Variants in NEBL observed in about 807,000 individuals in gnomAD.
NEBL encodes nebulette.
Under a neutral mutation model 140.2 loss-of-function variants are expected in NEBL, and 122 were observed. That is an observed-to-expected ratio of 0.87 (90% CI 0.75 to 1.01). The LOEUF is 1.01. NEBL is among the 50% of genes least tolerant of loss of function. The probability of loss-of-function intolerance (pLI) is 0.00; values close to 1 mark genes in which losing one functional copy is unlikely to be tolerated. For synonymous variants in NEBL, 436 were observed against 398.9 expected (o/e 1.09, Z -1.11); for missense variants, 1,365 against 1,231.3 (o/e 1.11, Z -1.62).
chr10:20,841,709 T>C (rs1384035909), intron 12 of NEBL: 2 of 152,092 alleles, frequency 1.3e-5, no homozygotes, highest in Admixed American at 1.3e-4. Context: ...AAAAAGGAGA[T>C]GCAATCACTC....
chr10:21,191,512 T>C (rs1010128415), intron 3 of NEBL, among the ~76,000 whole-genome samples: 1 of 152,154 alleles, frequency 6.6e-6, no homozygotes, highest in Non-Finnish European at 1.5e-5. Context: ...AGAGTCAAAA[T>C]TTTTCCTATC....
intron 14 of NEBL, 80 bp downstream of exon 14, chr10:20,835,433 A>T: frequency 9.8e-7 from 1 of 1,025,340 alleles, no homozygotes; most frequent in Non-Finnish European, 1.5e-6. Context: ...GAGAAATTCC[A>T]TATAGTAATC....
chr10:20,930,834 C>A (rs181949951), intron 4 of NEBL, among the ~76,000 whole-genome samples: 1 of 152,310 alleles, frequency 6.6e-6, no homozygotes, highest in African/African-American at 2.4e-5. Flanking sequence ...ATAAGGTTTG[C>A]CTAGAATGAT....
intron 3 of NEBL, among the ~76,000 whole-genome samples, chr10:21,234,090 AGGACT>A (rs146397626): frequency 0.015 from 2,155 of 139,740 alleles, 49 homozygotes; most frequent in African/African-American, 0.047. Context: ...TATTATTTTT[AGGACT>A]GGACTGGACT....
intron 3 of NEBL, among the ~76,000 whole-genome samples, chr10:21,010,880 T>C (rs1162354330): frequency 1.3e-5 from 2 of 152,224 alleles, no homozygotes; most frequent in Admixed American, 1.3e-4. Context: ...CATCTTCCAA[T>C]GTGAAACTGA....
intron 1 of NEBL, among the ~76,000 whole-genome samples, chr10:21,267,398 G>A (rs1836998934): frequency 6.6e-6 from 1 of 152,250 alleles, no homozygotes; most frequent in African/African-American, 2.4e-5. Context: ...ACAGGCATGA[G>A]CCACCATGCC....
intron 18 of NEBL, among the ~76,000 whole-genome samples, chr10:20,825,386 G>T (rs1337949883): frequency 3.3e-5 from 5 of 152,186 alleles, no homozygotes; most frequent in African/African-American, 7.2e-5. Context: ...GAAAGGCACA[G>T]TAGCTTATGC....
intron 8 of NEBL, among the ~76,000 whole-genome samples, chr10:20,858,626 A>G (rs1246004028): frequency 6.6e-6 from 1 of 152,218 alleles, no homozygotes. Context: ...CTCTGCTTTC[A>G]AAAAATAAAG....
intron 1 of NEBL, among the ~76,000 whole-genome samples, chr10:21,263,036 T>C (rs1466998490): frequency 1.3e-5 from 2 of 152,240 alleles, no homozygotes; most frequent in Non-Finnish European, 2.9e-5. Flanking sequence ...ATGTATTATC[T>C]ACTTTGGGTC....
intron 4 of NEBL, among the ~76,000 whole-genome samples, chr10:20,949,095 A>G (rs780482862): frequency 3.3e-5 from 5 of 152,288 alleles, no homozygotes; most frequent in Admixed American, 1.3e-4. Context: ...TTAAAATTCA[A>G]AAGTATTGAC....
intron 4 of NEBL, among the ~76,000 whole-genome samples, chr10:20,952,095 T>C (rs1240519911): frequency 1.3e-5 from 2 of 152,166 alleles, no homozygotes; most frequent in African/African-American, 4.8e-5. Flanking sequence ...TGTGTTTCTA[T>C]CAATGACTAA....
At chr10:20,972,164 GAACT>G (rs1836602455) in intron 3 of NEBL, among the ~76,000 whole-genome samples, 1 of 152,120 alleles carries the variant, frequency 6.6e-6, no homozygotes, top group African/African-American at 2.4e-5. Context: ...TAAACAAAGT[GAACT>G]AACACAAAAC....
At position 20,823,209 on chromosome 10, in the gene NEBL, T is replaced by A. The variant is rs1839521789; in HGVS notation, c.1961A>T (p.Asn654Ile). The part of the protein sequence containing the change: ...RVKENQKNIS[N>I]LQYKEQNYKA... Reference sequence around the variant, plus strand: ...AAAATACTTAAGAAATATGATCACATTGCTGATGTTCTTCTGGTTTTCTTT... The same window carrying A: ...AAAATACTTAAGAAATATGATCACAATGCTGATGTTCTTCTGGTTTTCTTT... The change falls in exon 19 of 28, where the codon AAT (asparagine) becomes ATT (isoleucine). Residue 654 changes from asparagine (N) to isoleucine (I), a missense_variant and splice_region_variant. Physicochemically the swap from Asn to Ile is moderately radical, Grantham distance 149. Around this residue, in one of 2 missense-constraint regions of NEBL, gnomAD observed 1,323 missense variants for 1,154.8 expected, o/e 1.15. Transcript: ENST00000377122. The A allele has an allele frequency of 1.3e-6, 2 of 1,596,728 alleles. No individual in the cohort carries two copies. Among genetic ancestry groups the A allele is most frequent in the African/African-American group, 2.7e-5 (2 of 74,500 alleles).
intron 2 of NEBL, among the ~76,000 whole-genome samples, chr10:21,088,439 G>T (rs1327426401): frequency 6.6e-6 from 1 of 152,068 alleles, no homozygotes; most frequent in Non-Finnish European, 1.5e-5. Flanking sequence ...GGCTATGATG[G>T]TACCACTGCA....
rs1001166858 is a variant in NEBL at position 21,173,907 on chromosome 10, C to A, written c.-74G>T. ...AGCCGCTGTGACATCCCCCGGCGAGCCCCGCACCGCCTCCTGGCAGGCGGG... is the reference window on the plus strand; with the variant it reads ...AGCCGCTGTGACATCCCCCGGCGAGACCCGCACCGCCTCCTGGCAGGCGGG... On this transcript the variant is annotated 5_prime_UTR_variant, in exon 1 of 7. Transcript: ENST00000417816. This position sits in a 1 kb window ranked among gnomAD's most constrained non-coding sequence, Gnocchi z 5.7. 9 of 1,562,612 alleles carry A rather than the reference C, an allele frequency of 5.8e-6. No homozygotes were observed. In the Admixed American group the frequency reaches 1.5e-4, roughly 25 times the overall value.
chr10:21,206,790 T>G (rs1297628339), intron 3 of NEBL, among the ~76,000 whole-genome samples: 1 of 152,090 alleles, frequency 6.6e-6, no homozygotes, highest in African/African-American at 2.4e-5. Flanking sequence ...AGAAGCTGTA[T>G]TCCCACGCCA....
At chr10:20,967,703 G>A (rs1011408210) in intron 3 of NEBL, among the ~76,000 whole-genome samples, 1 of 151,790 alleles carries the variant, frequency 6.6e-6, no homozygotes, top group East Asian at 1.9e-4. Context: ...GGGGAGTGGT[G>A]ACAAGACCTG....
At chr10:21,057,602 T>C (rs1391744634) in intron 2 of NEBL, among the ~76,000 whole-genome samples, 1 of 136,144 alleles carries the variant, frequency 7.3e-6, no homozygotes, top group South Asian at 2.4e-4. Context: ...CAGGCTGGAG[T>C]GCAGTAGCGT....
chr10:20,969,835 G>C (rs1190666722), intron 3 of NEBL, among the ~76,000 whole-genome samples: 1 of 151,920 alleles, frequency 6.6e-6, no homozygotes, highest in African/African-American at 2.4e-5. Context: ...GTGAGCCACC[G>C]TGCCTGGCCC....
Sources: gnomAD v4.1 joint callset for allele counts (sites outside exome capture counted in the v4.1 genomes callset) on GRCh38, gnomAD v4.1.1 for gene constraint, gnomAD v4.1.1 regional missense constraint, Gnocchi (gnomAD v3.1) non-coding constraint, MANE v1.5 for transcripts, NCBI Gene and HGNC (gene_info 2026-07-23, HGNC 2026-07-21) for gene names.